PCDHGB1: variants seen among roughly 807,000 people sequenced by gnomAD.
PCDHGB1 encodes the protein protocadherin gamma subfamily B, 1, also known as protocadherin gamma-B1.
In PCDHGB1, 34 loss-of-function variants were observed where a neutral mutation model predicts 56.6. The observed-to-expected ratio is 0.60, with a 90% CI of 0.46 to 0.80. The LOEUF is 0.80. Among genes scored for constraint, PCDHGB1 ranks in the 30% least tolerant of loss-of-function variants. The pLI is 0.00. For synonymous variants in PCDHGB1, 561 were observed against 505.9 expected, an observed-to-expected ratio of 1.11 and a Z score of -1.46; for missense variants, 1,278 against 1,204.6, an observed-to-expected ratio of 1.06 and a Z score of -0.90.
At chr5:141,404,437 C>T in intron 1 of PCDHGB1, 3 of 1,613,094 alleles carry the variant, frequency 1.9e-6, no homozygotes, top group Non-Finnish European at 2.5e-6. Context: ...CAGAGGATAC[C>T]ATCCAAGGGT....
At chr5:141,355,694 A>G in intron 1 of PCDHGB1, 2 of 1,613,824 alleles carry the variant, frequency 1.2e-6, no homozygotes, top group Non-Finnish European at 1.7e-6. Context: ...GTAGGTGTAA[A>G]CTCCCTGCAG....
chr5:141,494,985 C>A, intron 2 of PCDHGB1, 120 bp downstream of exon 2: 1 of 1,559,680 alleles, frequency 6.4e-7, no homozygotes. Context: ...AGTTTGAGAT[C>A]CCAGGGAGGT....
In PCDHGB1 at chr5:141,386,663, G is replaced by T. The variant is rs532080624; in HGVS notation, c.2409+33994G>T. On this transcript the variant is annotated intron_variant, in intron 1 of 3. Transcript: ENST00000523390. ...GGATACATTTTACAAGTTCTGCAGT[G>T]TTCACATTTCAGATGTACAATCACT... Among the ~76,000 whole-genome samples, 44 of 152,044 alleles carry T rather than the reference G, an allele frequency of 2.9e-4. No homozygotes were observed. In the South Asian group the frequency reaches 5.4e-3, roughly 19 times the overall value.
rs1222364302 is a variant in PCDHGB1, at chr5:141,414,920, C to T, written c.2409+62251C>T. On this transcript the variant is annotated intron_variant, in intron 1 of 3. Coordinates refer to ENST00000523390, the MANE Select transcript of PCDHGB1 (RefSeq NM_018922.3). ...GACGGTTCCACAGGCGTGGAGCTGG[C>T]GCCCCGCTCCGCAGAGCCCGGCTAC... 2.5e-6 allele frequency: 4 copies of T among 1,614,146 alleles called. No individual in the cohort carries two copies. The South Asian group carries it at 3.3e-5, about 13-fold the overall frequency.
chr5:141,415,755 T>G (rs753465209), intron 1 of PCDHGB1: 41 of 1,387,576 alleles, frequency 3.0e-5, no homozygotes, highest in Middle Eastern at 2.6e-4. Flanking sequence ...TTTTTTTTTT[T>G]TTTTTTTTTT....
At chr5:141,461,821 T>A (rs569091880) in intron 1 of PCDHGB1, among the ~76,000 whole-genome samples, 1 of 151,286 alleles carries the variant, frequency 6.6e-6, no homozygotes, top group South Asian at 2.1e-4. Context: ...ACCCAGCTAA[T>A]TTTTTTTTCT....
chr5:141,434,789 T>C (rs2097718008), intron 1 of PCDHGB1, among the ~76,000 whole-genome samples: 1 of 152,008 alleles, frequency 6.6e-6, no homozygotes, highest in African/African-American at 2.4e-5. Context: ...AAAAAATTTT[T>C]TTTTCTGAGC....
At chr5:141,466,019 G>C (rs1466918487) in intron 1 of PCDHGB1, among the ~76,000 whole-genome samples, 1 of 152,062 alleles carries the variant, frequency 6.6e-6, no homozygotes, top group African/African-American at 2.4e-5. Flanking sequence ...CTACTCGGGA[G>C]GGTGAGGCAG....
At chr5:141,508,483 G>T (rs1186425031) in intron 3 of PCDHGB1, among the ~76,000 whole-genome samples, 2 of 152,154 alleles carry the variant, frequency 1.3e-5, no homozygotes, top group East Asian at 3.9e-4. Context: ...TTACATTCTG[G>T]ATTTCCATAT....
At chr5:141,443,604 G>A (rs1561911807) in intron 1 of PCDHGB1, among the ~76,000 whole-genome samples, 1 of 152,194 alleles carries the variant, frequency 6.6e-6, no homozygotes, top group Non-Finnish European at 1.5e-5. Context: ...TATATGAAAT[G>A]TTCTTATAAT....
intron 1 of PCDHGB1, among the ~76,000 whole-genome samples, chr5:141,368,447 C>T (rs1257309487): frequency 1.3e-5 from 2 of 152,048 alleles, no homozygotes; most frequent in African/African-American, 4.8e-5. Flanking sequence ...AATGTACAAA[C>T]TCACCGAATA....
At chr5:141,500,582 T>G (rs534297929) in intron 2 of PCDHGB1, among the ~76,000 whole-genome samples, 29 of 152,314 alleles carry the variant, frequency 1.9e-4, no homozygotes, top group African/African-American at 6.7e-4. Flanking sequence ...ATGTGACACT[T>G]TATTCACATA....
chr5:141,350,594 A>G lies in PCDHGB1; in HGVS notation c.334A>G (p.Asn112Asp). ...CGAAACGGTCGCTGAAAACCCAATG[A>G]ATGTTTTCCACGTGGTTGTTGTAAT... ...EFETVAENPM[N>D]VFHVVVVIQD... The change falls in exon 1 of 4, where the codon AAT (asparagine) becomes GAT (aspartate). Residue 112 changes from asparagine to aspartate, a missense_variant. Transcript: ENST00000523390. 1 of 1,614,004 alleles carries G rather than the reference A, an allele frequency of 6.2e-7. No individual in the cohort carries two copies. Among genetic ancestry groups the G allele is most frequent in the Middle Eastern group, 1.6e-4 (1 of 6,062 alleles).
Position 141,477,575 on chromosome 5 carries a change from C to T in PCDHGB1, c.2410-17232C>T. The T allele has an allele frequency of 6.2e-7, 1 of 1,614,176 alleles. No individual in the cohort carries two copies. The highest frequency in any genetic ancestry group is 8.5e-7 in the Non-Finnish European group (1 of 1,180,030). On this transcript the variant is annotated intron_variant, in intron 1 of 3. Coordinates refer to ENST00000523390, the MANE Select transcript of PCDHGB1 (RefSeq NM_018922.3). This position sits in a 1 kb window ranked among gnomAD's most constrained non-coding sequence, Gnocchi z 4.9. ...CCTAAGTGTCTGGGACCCCGACGCC[C>T]CGCAGAATGCTCGGCTTTCTTTCTT... is the stretch of plus-strand genomic sequence containing the variant.
At chr5:141,472,849 G>C (rs966051912) in intron 1 of PCDHGB1, among the ~76,000 whole-genome samples, 1 of 151,340 alleles carries the variant, frequency 6.6e-6, no homozygotes, top group East Asian at 2.0e-4. Flanking sequence ...AGCTGGGCAT[G>C]GTGGCACATG....
chr5:141,463,388 C>T (rs1470533734), intron 1 of PCDHGB1, among the ~76,000 whole-genome samples: 1 of 150,092 alleles, frequency 6.7e-6, no homozygotes, highest in Non-Finnish European at 1.5e-5. Flanking sequence ...AAAGTTGTCT[C>T]CAGGCAAAAA....
intron 1 of PCDHGB1, chr5:141,409,119 C>A: frequency 6.2e-7 from 1 of 1,613,928 alleles, no homozygotes; most frequent in Non-Finnish European, 8.5e-7. Flanking sequence ...AATAACCAGT[C>A]ATTTGATTTT....
chr5:141,422,655 C>T (rs188587553), intron 1 of PCDHGB1: 2 of 1,610,120 alleles, frequency 1.2e-6, no homozygotes, highest in Admixed American at 3.3e-5. Flanking sequence ...TCTCAGTGAC[C>T]GCCCTCGACC....
chr5:141,427,435 T>G, intron 1 of PCDHGB1: 1 of 474,160 alleles, frequency 2.1e-6, no homozygotes, highest in Non-Finnish European at 4.2e-6. Context: ...ACATGCCTCA[T>G]AAACGAAAGA....
Sources: gnomAD v4.1 joint callset for allele counts (sites outside exome capture counted in the v4.1 genomes callset) on GRCh38, gnomAD v4.1.1 for gene constraint, Gnocchi (gnomAD v3.1) non-coding constraint, MANE v1.5 for transcripts, NCBI Gene and HGNC (gene_info 2026-07-23, HGNC 2026-07-21) for gene names.